The following ZDHHC15 variants were observed in gnomAD, a reference collection of about 807,000 sequenced individuals.
The protein encoded by ZDHHC15 is zDHHC palmitoyltransferase 15.
Under a neutral mutation model 31.7 loss-of-function variants are expected in ZDHHC15, and 19 were observed. The ratio of observed to expected loss-of-function variants is 0.60; its 90% CI spans 0.42 to 0.88. ZDHHC15 has a LOEUF of 0.88. Ranked by LOEUF, ZDHHC15 falls within the 40% of genes least tolerant of loss-of-function variation. The pLI is 0.00. For missense variants in ZDHHC15, 209 were observed against 251.2 expected (o/e 0.83, Z 1.14); for synonymous variants, 103 against 90.0 (o/e 1.14, Z -0.82).
Position 75,466,384 on chromosome X carries a change from A to G in ZDHHC15, c.258+12507T>C, listed in dbSNP as rs141724501. Among the ~76,000 whole-genome samples the G allele has an allele frequency of 7.8e-3, 870 of 111,459 alleles. 11 individuals are homozygous for G. Among genetic ancestry groups the G allele is most frequent in the African/African-American group, 0.026 (799 of 30,629 alleles). On this transcript the variant is annotated intron_variant, in intron 3 of 11. Coordinates refer to ENST00000373367, the MANE Select transcript of ZDHHC15 (RefSeq NM_144969.3). The stretch of plus-strand genomic sequence containing the variant: ...AATCATTGTGGAAGATAGTGTGGCA[A>G]TTCCTTGAAGACCTAGAGCCAGAAA...
chrX:75,496,353 A>T (rs947076998), intron 2 of ZDHHC15, among the ~76,000 whole-genome samples: 10 of 111,774 alleles, frequency 8.9e-5, no homozygotes, highest in Non-Finnish European at 1.1e-4. Context: ...CAAATTTATG[A>T]AACAATAACT....
At chrX:75,422,277 G>A (rs1419510334) in intron 8 of ZDHHC15, among the ~76,000 whole-genome samples, 2 of 111,611 alleles carry the variant, frequency 1.8e-5, no homozygotes, top group African/African-American at 3.3e-5. Context: ...GCAGCCACGG[G>A]GGTAGTATGT....
intron 3 of ZDHHC15, among the ~76,000 whole-genome samples, chrX:75,466,133 A>T (rs1349119702): frequency 1.8e-5 from 2 of 111,950 alleles, no homozygotes; most frequent in African/African-American, 6.5e-5. Context: ...AAAGTGGGCA[A>T]ACGACATGAA....
At chrX:75,422,131 AT>A in intron 8 of ZDHHC15, 141 bp from the exon 9 acceptor site, 2 of 709,154 alleles carry the variant, frequency 2.8e-6, no homozygotes, top group South Asian at 4.3e-5. Context: ...CAGACCTCTC[AT>A]TTTTAGGTAT....
intron 1 of ZDHHC15, among the ~76,000 whole-genome samples, chrX:75,514,422 A>T (rs1377217090): frequency 8.9e-6 from 1 of 112,225 alleles, no homozygotes; most frequent in Admixed American, 9.5e-5. Flanking sequence ...CAACAGGATC[A>T]TTCCAAGATG....
At chrX:75,492,630 C>T (rs2084918063) in intron 2 of ZDHHC15, among the ~76,000 whole-genome samples, 1 of 111,804 alleles carries the variant, frequency 8.9e-6, no homozygotes, top group African/African-American at 3.3e-5. Flanking sequence ...AAGAAACTCA[C>T]TCAAAACTGG....
At position 75,522,887 on chromosome X, in the gene ZDHHC15, A is replaced by G; in HGVS notation, c.136+2T>C. On this transcript the variant is annotated splice_donor_variant, in intron 1 of 11. Transcript: ENST00000373367. LOFTEE classifies it high-confidence loss of function. ...CCACCTTAGGTGCCCAGCCCCACTT[A>G]CCCAGGCAGAGTTCAAAGACGTAGG... 1 of 1,211,472 alleles carries G rather than the reference A, an allele frequency of 8.3e-7. No individual in the cohort carries two copies. Among genetic ancestry groups the G allele is most frequent in the Non-Finnish European group, 1.1e-6 (1 of 895,351 alleles).
chrX:75,510,478 T>G (rs1156265249), intron 1 of ZDHHC15, among the ~76,000 whole-genome samples: 1 of 90,423 alleles, frequency 1.1e-5, no homozygotes, highest in Non-Finnish European at 2.5e-5. Context: ...TTTCTTCTGT[T>G]TTTTTTTTTT....
intron 10 of ZDHHC15, among the ~76,000 whole-genome samples, chrX:75,405,323 C>T (rs1415535700): frequency 9.0e-6 from 1 of 110,612 alleles, no homozygotes; most frequent in Admixed American, 9.6e-5. Context: ...ACAACAAATC[C>T]CCGTGACATG....
At chrX:75,445,660 G>A (rs1220209647) in intron 4 of ZDHHC15, among the ~76,000 whole-genome samples, 1 of 111,563 alleles carries the variant, frequency 9.0e-6, no homozygotes, top group Non-Finnish European at 1.9e-5. Context: ...GTAAATAGCC[G>A]AATTACAATG....
chrX:75,452,485 C>G (rs1299709879), intron 3 of ZDHHC15, among the ~76,000 whole-genome samples: 1 of 111,113 alleles, frequency 9.0e-6, no homozygotes, highest in Admixed American at 9.6e-5. Flanking sequence ...ATCAATGAGA[C>G]AGAAGGTTAA....
intron 1 of ZDHHC15, among the ~76,000 whole-genome samples, chrX:75,515,930 T>G (rs1342875673): frequency 9.0e-6 from 1 of 111,010 alleles, no homozygotes; most frequent in Non-Finnish European, 1.9e-5. Flanking sequence ...AGCATTCGTA[T>G]ACACCAATAA....
At chrX:75,514,807 A>G (rs756029987) in intron 1 of ZDHHC15, among the ~76,000 whole-genome samples, 2 of 111,765 alleles carry the variant, frequency 1.8e-5, no homozygotes, top group African/African-American at 6.5e-5. Context: ...GCAGTCCGAG[A>G]TAGAATTGTG....
intron 2 of ZDHHC15, among the ~76,000 whole-genome samples, chrX:75,493,969 A>T (rs1037321332): frequency 9.0e-6 from 1 of 111,599 alleles, no homozygotes; most frequent in Non-Finnish European, 1.9e-5. Flanking sequence ...AGGGTATTCA[A>T]TTAGGAAAAT....
intron 3 of ZDHHC15, among the ~76,000 whole-genome samples, chrX:75,465,527 C>A: frequency 9.0e-6 from 1 of 111,448 alleles, no homozygotes; most frequent in Middle Eastern, 4.6e-3. Context: ...GCTAAAGGCA[C>A]CATGCTACAG....
intron 10 of ZDHHC15, among the ~76,000 whole-genome samples, chrX:75,414,891 G>A (rs1170891571): frequency 1.1e-4 from 12 of 107,372 alleles, no homozygotes; most frequent in Admixed American, 7.0e-4. Context: ...TCAGCCTCCC[G>A]AGTAGCTGGG....
intron 10 of ZDHHC15, among the ~76,000 whole-genome samples, chrX:75,416,863 T>C (rs182370435): frequency 2.8e-4 from 31 of 111,555 alleles, no homozygotes; most frequent in African/African-American, 8.8e-4. Context: ...TGACTGGTAA[T>C]ATAAATCACA....
intron 4 of ZDHHC15, among the ~76,000 whole-genome samples, chrX:75,437,514 C>T (rs1246771537): frequency 4.4e-5 from 4 of 90,229 alleles, no homozygotes; most frequent in African/African-American, 1.6e-4. Context: ...TCAATTCCCA[C>T]CTATGAGTGA....
At position 75,400,226 on chromosome X, in the gene ZDHHC15, A is replaced by T. The variant is rs1166223432; in HGVS notation, c.967+16861T>A. On this transcript the variant is annotated intron_variant, in intron 10 of 11. Transcript: ENST00000373367. ...CAAAACCCAATCCAAGGAAAATAAG[A>T]ATCATAATAAAGTGATACAGGAGCT... Among the ~76,000 whole-genome samples the T allele has an allele frequency of 2.7e-5, 3 of 111,982 alleles. No homozygotes were observed. In the East Asian group the frequency reaches 8.4e-4, roughly 31 times the overall value.
Sources: gnomAD v4.1 joint callset for allele counts (sites outside exome capture counted in the v4.1 genomes callset) on GRCh38, gnomAD v4.1.1 for gene constraint, MANE v1.5 for transcripts, NCBI Gene and HGNC (gene_info 2026-07-23, HGNC 2026-07-21) for gene names.